The following DOCK10 variants were observed in gnomAD, a reference collection of about 807,000 sequenced individuals.
The protein encoded by DOCK10 is dedicator of cytokinesis protein 10.
Under a neutral mutation model 280.1 loss-of-function variants are expected in DOCK10, and 145 were observed. That is an observed-to-expected ratio of 0.52 (90% confidence interval 0.45 to 0.59). DOCK10 has a LOEUF of 0.59. Ranked by LOEUF, DOCK10 falls within the 20% of genes least tolerant of loss-of-function variation. The probability of loss-of-function intolerance (pLI) is 0.00; values close to 1 mark genes in which losing one functional copy is unlikely to be tolerated. For missense variants in DOCK10, 2,368 were observed against 2,651.7 expected (o/e 0.89, Z 2.35); for synonymous variants, 915 against 942.2 (o/e 0.97, Z 0.53).
intron 1 of DOCK10, among the ~76,000 whole-genome samples, chr2:224,953,728 A>G (rs529836232): frequency 6.6e-6 from 1 of 152,354 alleles, no homozygotes; most frequent in Admixed American, 6.5e-5. Flanking sequence ...TATTTTTAAA[A>G]TAGTGGTTTT....
chr2:224,823,780 T>A, intron 27 of DOCK10, 133 bp from the exon 28 acceptor site: 1 of 781,542 alleles, frequency 1.3e-6, no homozygotes, highest in Non-Finnish European at 1.9e-6. Context: ...TTGAAAGCAG[T>A]AATAAAATAG....
intron 55 of DOCK10, among the ~76,000 whole-genome samples, chr2:224,767,806 T>C (rs940503115): frequency 1.3e-5 from 2 of 152,278 alleles, no homozygotes; most frequent in Non-Finnish European, 2.9e-5. Flanking sequence ...ACTTCTAGTG[T>C]TCGGCTATTG....
chr2:224,934,562 A>G (rs934729551), intron 1 of DOCK10, among the ~76,000 whole-genome samples: 1 of 152,256 alleles, frequency 6.6e-6, no homozygotes, highest in Non-Finnish European at 1.5e-5. Flanking sequence ...AATCCGGACT[A>G]CATAACCAGT....
chr2:224,982,572 C>T (rs1705806564), intron 1 of DOCK10: 1 of 1,185,462 alleles, frequency 8.4e-7, no homozygotes, highest in Non-Finnish European at 1.1e-6. Context: ...ACTGAACACA[C>T]TCAGGAATAT....
chr2:224,854,695 G>A (rs532166559), intron 16 of DOCK10, among the ~76,000 whole-genome samples: 58 of 152,278 alleles, frequency 3.8e-4, no homozygotes, highest in African/African-American at 1.4e-3. Context: ...TACCAGGTAA[G>A]TAAGTGTTAG....
chr2:224,799,734 C>A (rs143496024), intron 41 of DOCK10, among the ~76,000 whole-genome samples: 47 of 152,264 alleles, frequency 3.1e-4, no homozygotes, highest in Non-Finnish European at 5.9e-4. Flanking sequence ...ATCATTTCAT[C>A]AAAGATATCT....
intron 27 of DOCK10, among the ~76,000 whole-genome samples, chr2:224,829,431 C>T (rs1339328750): frequency 6.6e-6 from 1 of 152,150 alleles, no homozygotes; most frequent in East Asian, 1.9e-4. Context: ...TTCTTCCCCA[C>T]CAAAAGAGTA....
intron 1 of DOCK10, among the ~76,000 whole-genome samples, chr2:224,979,493 T>A (rs1705632453): frequency 6.6e-6 from 1 of 152,226 alleles, no homozygotes; most frequent in Non-Finnish European, 1.5e-5. Context: ...GTGCCTGACA[T>A]GATCTGACCC....
chr2:225,027,516 G>A (rs369084542), intron 1 of DOCK10, among the ~76,000 whole-genome samples: 1 of 152,066 alleles, frequency 6.6e-6, no homozygotes, highest in Non-Finnish European at 1.5e-5. Flanking sequence ...TCATGGGATC[G>A]GTTTCTCATG....
chr2:225,038,425 G>C (rs939273021), intron 1 of DOCK10, among the ~76,000 whole-genome samples: 4 of 152,114 alleles, frequency 2.6e-5, no homozygotes, highest in Admixed American at 6.5e-5. Flanking sequence ...GTTGGTCAAA[G>C]GTTCCGCTTC....
chr2:224,959,012 C>T (rs548977840), intron 1 of DOCK10, among the ~76,000 whole-genome samples: 1 of 152,318 alleles, frequency 6.6e-6, no homozygotes, highest in East Asian at 1.9e-4. Context: ...ACCTAGACTG[C>T]ATCAAAAGAT....
chr2:224,954,917 C>G (rs951893333), intron 1 of DOCK10, among the ~76,000 whole-genome samples: 1 of 152,144 alleles, frequency 6.6e-6, no homozygotes, highest in Non-Finnish European at 1.5e-5. Flanking sequence ...GGTGAAGACA[C>G]ACAAATACAG....
chr2:224,801,043 T>C (rs1282456884), intron 40 of DOCK10, among the ~76,000 whole-genome samples: 1 of 152,106 alleles, frequency 6.6e-6, no homozygotes, highest in Non-Finnish European at 1.5e-5. Flanking sequence ...AGGAAATGTC[T>C]GGGTTAAGAA....
chr2:224,888,826 GTGTGAATATGTA>G (rs1699488590), intron 4 of DOCK10, among the ~76,000 whole-genome samples: 1 of 151,714 alleles, frequency 6.6e-6, no homozygotes, highest in African/African-American at 2.4e-5. Context: ...GTATGTATGT[GTGTGAATATGTA>G]TGTGTGAATA....
chr2:224,961,409 TTTC>T (rs1704386471), intron 1 of DOCK10, among the ~76,000 whole-genome samples: 1 of 105,132 alleles, frequency 9.5e-6, no homozygotes, highest in Non-Finnish European at 2.0e-5. Flanking sequence ...TCTTTCTTTC[TTTC>T]TCTTTCTTTC....
intron 1 of DOCK10, among the ~76,000 whole-genome samples, chr2:224,987,956 G>A (rs1291703547): frequency 6.6e-6 from 1 of 152,166 alleles, no homozygotes; most frequent in Non-Finnish European, 1.5e-5. Flanking sequence ...ACCTCTCTAA[G>A]CCTCAATAGT....
At chr2:224,963,804 T>C (rs1704577876) in intron 1 of DOCK10, among the ~76,000 whole-genome samples, 1 of 152,230 alleles carries the variant, frequency 6.6e-6, no homozygotes, top group East Asian at 1.9e-4. Context: ...TTTCAATTAC[T>C]TGTCTTTCAC....
Position 224,905,896 on chromosome 2 carries a change from T to C in DOCK10, c.334-9519A>G, listed in dbSNP as rs549361642. 5.9e-5 allele frequency among the ~76,000 whole-genome samples: 9 copies of C among 152,264 alleles called. No homozygotes were observed. The East Asian group carries it at 1.5e-3, about 26-fold the overall frequency. On this transcript the variant is annotated intron_variant, in intron 3 of 55. Coordinates refer to ENST00000258390, the MANE Select transcript of DOCK10 (RefSeq NM_014689.3). Reference sequence around the variant, plus strand: ...CCTTCTCAGTTCCAGCCCAATTCTCTGGTGTTCATGGGCATACTCTTCCAG... The same window carrying C: ...CCTTCTCAGTTCCAGCCCAATTCTCCGGTGTTCATGGGCATACTCTTCCAG...
chr2:224,978,285 T>G (rs1217437011), intron 1 of DOCK10, among the ~76,000 whole-genome samples: 1 of 151,882 alleles, frequency 6.6e-6, no homozygotes, highest in Non-Finnish European at 1.5e-5. Context: ...ATACAAAAAA[T>G]TAGCAGATGT....
Sources: allele counts gnomAD v4.1 joint callset (sites outside exome capture counted in the v4.1 genomes callset), GRCh38; gene constraint gnomAD v4.1.1; transcripts MANE v1.5; gene names NCBI Gene and HGNC (gene_info 2026-07-23, HGNC 2026-07-21).